RHAG: variants seen among roughly 807,000 people sequenced by gnomAD.
RHAG encodes ammonium transporter Rh type A.
In RHAG, 25 loss-of-function variants were observed where a neutral mutation model predicts 42.4. The observed-to-expected ratio is 0.59, with a 90% confidence interval of 0.43 to 0.82. RHAG has a LOEUF of 0.82. Among genes scored for constraint, RHAG ranks in the 40% least tolerant of loss-of-function variants. The pLI, the probability that RHAG is intolerant of heterozygous loss-of-function variation, is 0.00. For synonymous variants in RHAG, 182 were observed against 177.7 expected, an observed-to-expected ratio of 1.02 and a Z score of -0.19; for missense variants, 483 against 504.6, an observed-to-expected ratio of 0.96 and a Z score of 0.41.
intron 6 of RHAG, 51 bp from the exon 7 acceptor site, chr6:49,611,196 T>C: frequency 2.0e-6 from 3 of 1,478,498 alleles, no homozygotes; most frequent in Non-Finnish European, 2.8e-6. Flanking sequence ...CATATAGAAC[T>C]CTAGAACTGA....
At chr6:49,612,850 C>T (rs1156363720) in intron 5 of RHAG, among the ~76,000 whole-genome samples, 2 of 152,024 alleles carry the variant, frequency 1.3e-5, no homozygotes, top group East Asian at 1.9e-4. Context: ...CAAATATTCT[C>T]GCAATGTTTT....
chr6:49,615,899 G>T, intron 3 of RHAG, 128 bp from the exon 4 acceptor site: 1 of 933,446 alleles, frequency 1.1e-6, no homozygotes, highest in Non-Finnish European at 1.7e-6. Context: ...CAGAAAGATT[G>T]TGTCAGAGAA....
intron 9 of RHAG, among the ~76,000 whole-genome samples, chr6:49,606,128 A>G (rs1042694045): frequency 7.9e-5 from 12 of 152,184 alleles, no homozygotes; most frequent in Non-Finnish European, 1.0e-4. Context: ...GAGTAAAGAG[A>G]AACTGGAGGA....
At chr6:49,627,135 C>G (rs1562018745) in intron 1 of RHAG, among the ~76,000 whole-genome samples, 1 of 152,224 alleles carries the variant, frequency 6.6e-6, no homozygotes, top group Admixed American at 6.5e-5. Context: ...CATTTGGCTC[C>G]TGGTTACTTA....
At chr6:49,623,025 G>A (rs1250539390) in intron 1 of RHAG, among the ~76,000 whole-genome samples, 2 of 141,580 alleles carry the variant, frequency 1.4e-5, no homozygotes, top group Admixed American at 1.4e-4. Flanking sequence ...TTTTAGTAGA[G>A]ACGGGGTTTT....
rs1309784673 is a variant in RHAG, at chr6:49,619,354, C to T, written c.166G>A (p.Asp56Asn). 6.2e-7 allele frequency: 1 copy of T among 1,613,670 alleles called. No individual in the cohort carries two copies. The highest frequency in any genetic ancestry group is 8.5e-7 in the Non-Finnish European group (1 of 1,179,872). ...CCAACAAATATCATAACATGTACAT[C>T]TTGGAACACTGGAAAAGAGGAAAGG... ...IFFELYPLFQDVHVMIFVGFG... is the reference protein window; with the variant it reads ...IFFELYPLFQNVHVMIFVGFG... The change falls in exon 2 of 10, where the codon GAT (aspartate) becomes AAT (asparagine). Residue 56 changes from aspartate to asparagine, a missense_variant. Transcript: ENST00000371175.
chr6:49,629,780 C>T (rs545311150), intron 1 of RHAG, among the ~76,000 whole-genome samples: 9 of 152,328 alleles, frequency 5.9e-5, no homozygotes, highest in Middle Eastern at 3.4e-3. Flanking sequence ...CCTCCGCAGC[C>T]GCTGGCCCTG....
Position 49,614,690 on chromosome 6 carries a change from G to T in RHAG, c.804C>A (p.Asn268Lys). 6.2e-7 allele frequency: 1 copy of T among 1,613,618 alleles called. No homozygotes were observed. Among genetic ancestry groups the T allele is most frequent in the South Asian group, 1.1e-5 (1 of 91,054 alleles). Residue 268 changes from asparagine to lysine, a missense_variant, in exon 5 of 10, where the codon AAC (asparagine) becomes AAA (lysine). Transcript: ENST00000371175. ...SSLVEHRGKL[N>K]MVHIQNATLA... is the part of the protein sequence containing the mutation. ...TGAGGGCTAAGGCGGCACTTACCAT[G>T]TTGAGCTTGCCTCGGTGCTCCACTA...
In RHAG at chr6:49,605,817, C is replaced by T; in HGVS notation, c.1226G>A (p.Arg409Lys). Residue 409 changes from arginine to lysine, a missense_variant, in exon 10 of 10, where the codon AGA (arginine) becomes AAA (lysine). Physicochemically the swap from Arg to Lys is conservative, Grantham distance 26 (BLOSUM62 2). Transcript: ENST00000371175. ...TCCATGGAACTGATTGTCAAGTTAT[C>T]TCGTCTTAGGGACCTTTAAAAAAAC... is the stretch of plus-strand genomic sequence containing the variant. Reference protein sequence around the residue: ...DSVYWKVPKTR With the variant: ...DSVYWKVPKTK 5 of 1,613,300 alleles carry T rather than the reference C, an allele frequency of 3.1e-6. No individual in the cohort carries two copies. Among genetic ancestry groups the T allele is most frequent in the Non-Finnish European group, 4.2e-6 (5 of 1,179,364 alleles).
intron 3 of RHAG, among the ~76,000 whole-genome samples, chr6:49,616,506 C>T (rs1034703413): frequency 6.6e-6 from 1 of 152,026 alleles, no homozygotes. Flanking sequence ...TAATTCTGCT[C>T]TATGATGACA....
rs563253807 is a variant in RHAG at position 49,612,409 on chromosome 6, G to A, written c.933C>T (p.Tyr311=). Residue 311 remains tyrosine, a synonymous_variant, in exon 6 of 10, where the codon TAC becomes TAT. Transcript: ENST00000371175. The part of the protein sequence containing the change: ...SIAGMVSVLG[Y]KFLTPLFTTK... ...CTGCTGTACTTACAGTCAGGAACTT[G>A]TATCCAAGCACAGAGACCATTCCTG... 1 of 1,614,160 alleles carries A rather than the reference G, an allele frequency of 6.2e-7. No individual in the cohort carries two copies. Among genetic ancestry groups the A allele is most frequent in the South Asian group, 1.1e-5 (1 of 91,084 alleles).
chr6:49,619,372 A>G lies in RHAG; in HGVS notation c.158-10T>C. 6.2e-7 allele frequency: 1 copy of G among 1,611,608 alleles called. No individual in the cohort carries two copies. Among genetic ancestry groups the G allele is most frequent in the Non-Finnish European group, 8.5e-7 (1 of 1,178,468 alleles). On this transcript the variant is annotated splice_polypyrimidine_tract_variant and intron_variant, in intron 1 of 9. Coordinates refer to ENST00000371175, the MANE Select transcript of RHAG (RefSeq NM_000324.3). ...TGTACATCTTGGAACACTGGAAAAG[A>G]GGAAAGGAAAAAATATCTGCATTAT...
intron 7 of RHAG, among the ~76,000 whole-genome samples, chr6:49,608,312 T>C (rs1461526958): frequency 6.6e-6 from 1 of 152,204 alleles, no homozygotes; most frequent in African/African-American, 2.4e-5. Context: ...CTGAACATGC[T>C]TATGAACTTG....
rs375901259 is a variant in RHAG, at chr6:49,612,446, A to G, written c.896T>C (p.Ile299Thr). 6.2e-7 allele frequency: 1 copy of G among 1,614,018 alleles called. No homozygotes were observed. Among genetic ancestry groups the G allele is most frequent in the Non-Finnish European group, 8.5e-7 (1 of 1,179,972 alleles). Residue 299 changes from isoleucine (I) to threonine (T), a missense_variant, in exon 6 of 10, where the codon ATT becomes ACT. Physicochemically the swap from Ile to Thr is moderately conservative, Grantham distance 89. Transcript: ENST00000371175. ...MAIHPFGSMI[I>T]GSIAGMVSVL... Reference sequence around the variant, plus strand: ...AGAGACCATTCCTGCAATGCTCCCAATAATCATAGAACCAAATGGGTGAAT... The same window carrying G: ...AGAGACCATTCCTGCAATGCTCCCAGTAATCATAGAACCAAATGGGTGAAT...
Position 49,614,675 on chromosome 6 carries a change from G to A in RHAG, c.807+12C>T. 6.2e-7 allele frequency: 1 copy of A among 1,613,092 alleles called. No homozygotes were observed. The highest frequency in any genetic ancestry group is 8.5e-7 in the Non-Finnish European group (1 of 1,179,892). Reference sequence around the variant, plus strand: ...GAAGCAAAATTTCCATGAGGGCTAAGGCGGCACTTACCATGTTGAGCTTGC... The same window carrying A: ...GAAGCAAAATTTCCATGAGGGCTAAAGCGGCACTTACCATGTTGAGCTTGC... On this transcript the variant is annotated intron_variant, in intron 5 of 9. Transcript: ENST00000371175.
chr6:49,636,616 A>C, intron 1 of RHAG, 40 bp downstream of exon 1: 8 of 1,607,448 alleles, frequency 5.0e-6, no homozygotes, highest in Non-Finnish European at 6.8e-6. Flanking sequence ...GAAACCGAAG[A>C]ACCGAAAAAT....
At chr6:49,628,465 C>T (rs984075929) in intron 1 of RHAG, among the ~76,000 whole-genome samples, 5 of 152,034 alleles carry the variant, frequency 3.3e-5, no homozygotes, top group African/African-American at 1.2e-4. Flanking sequence ...AGAATGAAGC[C>T]GCGGACCCTC....
At chr6:49,622,844 G>T (rs6458706) in intron 1 of RHAG, among the ~76,000 whole-genome samples, 131,493 of 141,544 alleles carry the variant, frequency 0.93, 60,923 homozygotes, top group East Asian at 0.99. Context: ...TTTTTTTTTT[G>T]TTTTGTTTTG....
chr6:49,610,773 A>T (rs1408170530), intron 7 of RHAG, among the ~76,000 whole-genome samples: 1 of 152,240 alleles, frequency 6.6e-6, no homozygotes, highest in African/African-American at 2.4e-5. Context: ...CCTGTCTGCT[A>T]GGAGACAGTT....
Sources: allele counts gnomAD v4.1 joint callset (sites outside exome capture counted in the v4.1 genomes callset), GRCh38; gene constraint gnomAD v4.1.1; transcripts MANE v1.5; gene names NCBI Gene and HGNC (gene_info 2026-07-23, HGNC 2026-07-21).